GNA12: variants seen among roughly 807,000 people sequenced by gnomAD.
GNA12 encodes the protein G protein subunit alpha 12.
A neutral mutation model predicts 26.0 loss-of-function variants in GNA12; 9 were observed. The ratio of observed to expected loss-of-function variants is 0.35; its 90% CI spans 0.21 to 0.60. GNA12 has a LOEUF of 0.60. Ranked by LOEUF, GNA12 falls within the 20% of genes least tolerant of loss-of-function variation. The pLI is 0.78. For synonymous variants in GNA12, 264 were observed against 219.6 expected (o/e 1.20, Z -1.79); for missense variants, 405 against 525.8 (o/e 0.77, Z 2.25).
intron 2 of GNA12, among the ~76,000 whole-genome samples, chr7:2,780,219 C>T (rs1286999870): frequency 1.3e-5 from 2 of 151,586 alleles, no homozygotes; most frequent in African/African-American, 4.8e-5. Flanking sequence ...TTTCTAACCG[C>T]TGGACAATAT....
At chr7:2,789,035 G>A (rs935488594) in intron 2 of GNA12, among the ~76,000 whole-genome samples, 2 of 151,874 alleles carry the variant, frequency 1.3e-5, no homozygotes, top group African/African-American at 4.8e-5. Flanking sequence ...TGGCCAGGGT[G>A]GTCTTGAACT....
chr7:2,758,556 C>G (rs182410903), intron 2 of GNA12, among the ~76,000 whole-genome samples: 1 of 152,236 alleles, frequency 6.6e-6, no homozygotes, highest in Non-Finnish European at 1.5e-5. Flanking sequence ...CGACTTTCAG[C>G]TAAGCCAAAG....
chr7:2,838,015 C>T (rs149596974), intron 1 of GNA12, among the ~76,000 whole-genome samples: 3 of 151,618 alleles, frequency 2.0e-5, no homozygotes, highest in Admixed American at 6.6e-5. Flanking sequence ...GTAAATGGGC[C>T]CAAGCAGAAG....
rs1779093840 is a variant in GNA12 at position 2,844,072 on chromosome 7, G to A, written c.90C>T (p.Arg30=). The A allele has an allele frequency of 1.8e-6, 2 of 1,103,480 alleles. No homozygotes were observed. Among genetic ancestry groups the A allele is most frequent in the South Asian group, 4.2e-5 (1 of 23,956 alleles). 68.4% of individuals were successfully genotyped at this position (1,103,480 alleles called of 1,614,324 possible). The part of the protein sequence containing the change: ...ARERRAGSGA[R]DAEREARRRS... Reference sequence around the variant, plus strand: ...GCCTCCGGGCCTCGCGCTCCGCGTCGCGCGCGCCGCTGCCCGCCCTGCGCT... The same window carrying A: ...GCCTCCGGGCCTCGCGCTCCGCGTCACGCGCGCCGCTGCCCGCCCTGCGCT... The change falls in exon 1 of 4, where the codon CGC becomes CGT. Residue 30 remains arginine (R), a synonymous_variant. Coordinates refer to ENST00000275364, the MANE Select transcript of GNA12 (RefSeq NM_007353.3).
At chr7:2,817,955 C>T (rs1231140735) in intron 1 of GNA12, among the ~76,000 whole-genome samples, 3 of 152,138 alleles carry the variant, frequency 2.0e-5, no homozygotes, top group Non-Finnish European at 4.4e-5. Context: ...TGTATTAGAA[C>T]ACCTGCTTTC....
intron 2 of GNA12, among the ~76,000 whole-genome samples, chr7:2,754,086 C>G (rs995224241): frequency 1.3e-5 from 2 of 152,164 alleles, no homozygotes; most frequent in African/African-American, 2.4e-5. Flanking sequence ...ACCTCCCCAC[C>G]AGTGATGAAT....
At chr7:2,772,354 G>A (rs1469574045) in intron 2 of GNA12, among the ~76,000 whole-genome samples, 1 of 152,158 alleles carries the variant, frequency 6.6e-6, no homozygotes, top group East Asian at 1.9e-4. Flanking sequence ...GAGGTCAGGA[G>A]CTCGAGACCA....
chr7:2,806,711 G>A (rs979834088), intron 1 of GNA12, among the ~76,000 whole-genome samples: 2 of 152,076 alleles, frequency 1.3e-5, no homozygotes, highest in Non-Finnish European at 2.9e-5. Flanking sequence ...ACTTTCCTAT[G>A]TCATTCAAGA....
At position 2,822,912 on chromosome 7, in the gene GNA12, C is replaced by A. The variant is rs112459164; in HGVS notation, c.309+20941G>T. Among the ~76,000 whole-genome samples, 1,033 of 152,258 alleles carry A rather than the reference C, an allele frequency of 6.8e-3. 13 individuals are homozygous for A. Among genetic ancestry groups the A allele is most frequent in the African/African-American group, 0.023 (976 of 41,540 alleles). On this transcript the variant is annotated intron_variant, in intron 1 of 3. Transcript: ENST00000275364. ...CTAAGAGAGTCTGCTCAGCCCCCTCCTAGATGTGATAAAAAGGTGCTCCCT... is the reference window on the plus strand; with the variant it reads ...CTAAGAGAGTCTGCTCAGCCCCCTCATAGATGTGATAAAAAGGTGCTCCCT...
chr7:2,736,244 C>G (rs1218545987), intron 2 of GNA12, among the ~76,000 whole-genome samples: 1 of 152,134 alleles, frequency 6.6e-6, no homozygotes, highest in African/African-American at 2.4e-5. Context: ...CAAGACGAGC[C>G]CAGAGTCCTC....
intron 2 of GNA12, among the ~76,000 whole-genome samples, chr7:2,753,175 G>C (rs796476704): frequency 2.0e-5 from 3 of 151,714 alleles, no homozygotes; most frequent in African/African-American, 4.8e-5. Flanking sequence ...TAAAAAAAGA[G>C]ACAGGGTCTT....
At chr7:2,746,125 A>C (rs1327020600) in intron 2 of GNA12, among the ~76,000 whole-genome samples, 4 of 152,222 alleles carry the variant, frequency 2.6e-5, no homozygotes, top group Admixed American at 2.6e-4. Context: ...ACAGAAAGTT[A>C]ACAAGGATAC....
At chr7:2,818,248 C>G (rs544794116) in intron 1 of GNA12, among the ~76,000 whole-genome samples, 2 of 152,260 alleles carry the variant, frequency 1.3e-5, no homozygotes, top group South Asian at 2.1e-4. Flanking sequence ...GTACTGACAT[C>G]TGGGGGCTGG....
At chr7:2,835,845 C>A in intron 1 of GNA12, 1 of 619,748 alleles carries the variant, frequency 1.6e-6, no homozygotes, top group Admixed American at 2.3e-5. Flanking sequence ...GTGATGTCTT[C>A]ATTAGCCATT....
rs1460489895 is a variant in GNA12, at chr7:2,729,535, T to G, written c.*1646A>C. On this transcript the variant is annotated 3_prime_UTR_variant, in exon 4 of 4. Transcript: ENST00000275364. ...ATGCTGTCTCCCGATGAGAACGCTGTGCTAACAGGGTGACCCAGAGGCAGG... is the reference window on the plus strand; with the variant it reads ...ATGCTGTCTCCCGATGAGAACGCTGGGCTAACAGGGTGACCCAGAGGCAGG... 1.3e-5 allele frequency: 2 copies of G among 152,366 alleles called. No homozygotes were observed. Among genetic ancestry groups the G allele is most frequent in the East Asian group, 3.8e-4 (2 of 5,330 alleles). 9.4% of individuals were successfully genotyped at this position (152,366 alleles called of 1,614,324 possible).
chr7:2,758,343 ACGT>A (rs1791398147), intron 2 of GNA12, among the ~76,000 whole-genome samples: 1 of 152,202 alleles, frequency 6.6e-6, no homozygotes, highest in Admixed American at 6.5e-5. Flanking sequence ...ACATCCTCAT[ACGT>A]CGTGTGGCCT....
intron 2 of GNA12, among the ~76,000 whole-genome samples, chr7:2,757,129 C>T (rs798496): frequency 0.2 from 18,723 of 94,258 alleles, 2,806 homozygotes; most frequent in Non-Finnish European, 0.26. Flanking sequence ...TCAGGTGGGC[C>T]TTTTTTTTTT....
chr7:2,756,027 G>C (rs1041314016), intron 2 of GNA12, among the ~76,000 whole-genome samples: 3 of 152,114 alleles, frequency 2.0e-5, no homozygotes, highest in African/African-American at 7.2e-5. Context: ...TTATAAAGAA[G>C]AACAACGTTT....
At chr7:2,818,841 C>T (rs1482731027) in intron 1 of GNA12, among the ~76,000 whole-genome samples, 1 of 151,810 alleles carries the variant, frequency 6.6e-6, no homozygotes, top group Non-Finnish European at 1.5e-5. Flanking sequence ...TTTCGCTTGC[C>T]GTTTTCACTT....
Sources: gnomAD v4.1 joint callset for allele counts (sites outside exome capture counted in the v4.1 genomes callset) on GRCh38, gnomAD v4.1.1 for gene constraint, MANE v1.5 for transcripts, NCBI Gene and HGNC (gene_info 2026-07-23, HGNC 2026-07-21) for gene names.